ZBTB16: variants seen among roughly 807,000 people sequenced by gnomAD.
The protein encoded by ZBTB16 is zinc finger and BTB domain-containing protein 16.
Under a neutral mutation model 56.8 loss-of-function variants are expected in ZBTB16, and 8 were observed. The ratio of observed to expected loss-of-function variants is 0.14; its 90% CI spans 0.08 to 0.25. The LOEUF (loss-of-function observed/expected upper bound fraction) is 0.25, where lower values mean the gene tolerates loss of function less well. ZBTB16 is among the 10% of genes least tolerant of loss of function. The pLI is 1.00. For synonymous variants in ZBTB16, 363 were observed against 368.5 expected, an observed-to-expected ratio of 0.98 and a Z score of 0.17; for missense variants, 625 against 903.0, an observed-to-expected ratio of 0.69 and a Z score of 3.95.
At chr11:114,183,220 G>A (rs555674250) in intron 3 of ZBTB16, among the ~76,000 whole-genome samples, 45 of 152,340 alleles carry the variant, frequency 3.0e-4, no homozygotes, top group African/African-American at 1.0e-3. Context: ...CTGGCCCAGA[G>A]TCACTGAGGA....
intron 5 of ZBTB16, 133 bp from the exon 6 acceptor site, chr11:114,247,065 G>A: frequency 8.8e-7 from 1 of 1,133,386 alleles, no homozygotes; most frequent in South Asian, 1.3e-5. Context: ...GTGTGGCCGT[G>A]GATCCTTAAG....
At chr11:114,125,770 T>TG (rs1210478730) in intron 2 of ZBTB16, among the ~76,000 whole-genome samples, 18 of 152,276 alleles carry the variant, frequency 1.2e-4, no homozygotes, top group African/African-American at 4.1e-4. Flanking sequence ...AGCGCCATCT[T>TG]GCTTTAGACC....
intron 2 of ZBTB16, among the ~76,000 whole-genome samples, chr11:114,069,690 C>A (rs1591636732): frequency 6.6e-6 from 1 of 152,316 alleles, no homozygotes. Context: ...CCGTCCAGAA[C>A]CTCTGATGTC....
In ZBTB16 at chr11:114,251,536, G is replaced by A. The variant is rs948287872; in HGVS notation, c.*981G>A. On this transcript the variant is annotated 3_prime_UTR_variant, in exon 7 of 7. Transcript: ENST00000335953. ...GAATCCATGAATGGGCTGAGGTTCC[G>A]AGGGTAGGTTGTGGATGTCTTTCTC... Among the ~76,000 whole-genome samples the A allele has an allele frequency of 3.2e-4, 48 of 152,182 alleles. No homozygotes were observed. The highest frequency in any genetic ancestry group is 3.0e-3 in the Admixed American group (46 of 15,272).
At chr11:114,078,650 C>T (rs1253203984) in intron 2 of ZBTB16, among the ~76,000 whole-genome samples, 1 of 151,372 alleles carries the variant, frequency 6.6e-6, no homozygotes, top group Middle Eastern at 3.2e-3. Flanking sequence ...ACAGCTAGCT[C>T]AAAGTCCAAG....
intron 3 of ZBTB16, among the ~76,000 whole-genome samples, chr11:114,161,372 C>T (rs535204612): frequency 2.0e-5 from 3 of 152,276 alleles, no homozygotes; most frequent in Admixed American, 6.5e-5. Context: ...TTAATAAGCA[C>T]GAATTGTGTG....
At chr11:114,230,374 C>T (rs1944414376) in intron 4 of ZBTB16, among the ~76,000 whole-genome samples, 1 of 152,178 alleles carries the variant, frequency 6.6e-6, no homozygotes, top group Admixed American at 6.5e-5. Flanking sequence ...TTCTTGGTAT[C>T]TATGTATGCT....
chr11:114,205,142 G>A (rs1313829339), intron 4 of ZBTB16, among the ~76,000 whole-genome samples: 1 of 152,158 alleles, frequency 6.6e-6, no homozygotes, highest in Non-Finnish European at 1.5e-5. Context: ...GGGCGCGGTG[G>A]CTTATGCCTG....
At chr11:114,241,979 G>A (rs769735301) in intron 4 of ZBTB16, among the ~76,000 whole-genome samples, 188 bp from the exon 5 acceptor site, 59 of 152,170 alleles carry the variant, frequency 3.9e-4, no homozygotes, top group Non-Finnish European at 5.6e-4. Flanking sequence ...GAACGACGTC[G>A]ATTTTGCCCA....
At chr11:114,203,212 A>G (rs1943775447) in intron 4 of ZBTB16, among the ~76,000 whole-genome samples, 1 of 152,260 alleles carries the variant, frequency 6.6e-6, no homozygotes, top group African/African-American at 2.4e-5. Context: ...ATGAAAGGCC[A>G]TGAATTAGAT....
chr11:114,097,060 C>T (rs1940441960), intron 2 of ZBTB16, among the ~76,000 whole-genome samples: 1 of 152,102 alleles, frequency 6.6e-6, no homozygotes, highest in South Asian at 2.1e-4. Flanking sequence ...TGTTCATTGA[C>T]CCATGGATAA....
intron 4 of ZBTB16, among the ~76,000 whole-genome samples, chr11:114,192,490 G>A (rs1485660529): frequency 6.6e-6 from 1 of 152,198 alleles, no homozygotes; most frequent in African/African-American, 2.4e-5. Flanking sequence ...AAGAACACCA[G>A]TCAGCTGCTG....
chr11:114,170,538 T>A (rs1453820097), intron 3 of ZBTB16, among the ~76,000 whole-genome samples: 1 of 152,176 alleles, frequency 6.6e-6, no homozygotes, highest in Non-Finnish European at 1.5e-5. Context: ...CTTCCAGACT[T>A]TTCCCCAGTA....
chr11:114,094,376 G>A (rs117521976), intron 2 of ZBTB16, among the ~76,000 whole-genome samples: 5 of 152,146 alleles, frequency 3.3e-5, no homozygotes, highest in Admixed American at 6.5e-5. Context: ...AAAACCAAAC[G>A]AGTCCGTGTA....
intron 2 of ZBTB16, among the ~76,000 whole-genome samples, chr11:114,136,991 G>A (rs717676): frequency 6.6e-5 from 10 of 151,990 alleles, no homozygotes; most frequent in Non-Finnish European, 1.2e-4. Flanking sequence ...TTTTCTGGAG[G>A]TCTTTAAAAA....
intron 4 of ZBTB16, among the ~76,000 whole-genome samples, chr11:114,193,129 C>G (rs2135079734): frequency 6.6e-6 from 1 of 152,280 alleles, no homozygotes; most frequent in Non-Finnish European, 1.5e-5. Flanking sequence ...CCCCAGAGAT[C>G]TTGTGGATGG....
At chr11:114,184,439 A>G (rs1943319177) in intron 3 of ZBTB16, among the ~76,000 whole-genome samples, 1 of 152,216 alleles carries the variant, frequency 6.6e-6, no homozygotes. Context: ...TAAAATAGGT[A>G]AATTGAATTT....
chr11:114,159,937 C>CGCG (rs1555145909), intron 3 of ZBTB16, among the ~76,000 whole-genome samples: 3 of 93,840 alleles, frequency 3.2e-5, no homozygotes, highest in African/African-American at 2.0e-4. Flanking sequence ...GCGGGGGAGG[C>CGCG]GGGGGGGAGG....
chr11:114,115,798 G>C (rs934121397), intron 2 of ZBTB16, among the ~76,000 whole-genome samples: 2 of 152,162 alleles, frequency 1.3e-5, no homozygotes, highest in Non-Finnish European at 2.9e-5. Context: ...TTTCCCAGAG[G>C]AGGGGAGGGG....
Sources: gnomAD v4.1 joint callset for allele counts (sites outside exome capture counted in the v4.1 genomes callset) on GRCh38, gnomAD v4.1.1 for gene constraint, MANE v1.5 for transcripts, NCBI Gene and HGNC (gene_info 2026-07-23, HGNC 2026-07-21) for gene names.